DGKI: variants seen among roughly 807,000 people sequenced by gnomAD.
DGKI encodes the protein DAG kinase iota.
DGKI carries 55 observed loss-of-function variants against 147.5 expected under a neutral mutation model. The ratio of observed to expected loss-of-function variants is 0.37; its 90% CI spans 0.30 to 0.47. The LOEUF is 0.47. DGKI is among the 20% of genes least tolerant of loss of function. The pLI, the probability that DGKI is intolerant of heterozygous loss-of-function variation, is 1.00. For missense variants in DGKI, 1,007 were observed against 1,323.8 expected (o/e 0.76, Z 3.71); for synonymous variants, 469 against 477.1 (o/e 0.98, Z 0.22).
At chr7:137,802,273 C>T (rs75365700) in intron 1 of DGKI, among the ~76,000 whole-genome samples, 1 of 152,148 alleles carries the variant, frequency 6.6e-6, no homozygotes, top group Admixed American at 6.6e-5. Flanking sequence ...AAAGACTACA[C>T]ATTGTGTACA....
intron 1 of DGKI, among the ~76,000 whole-genome samples, chr7:137,747,130 G>A (rs567342424): frequency 3.9e-5 from 6 of 151,986 alleles, no homozygotes; most frequent in Admixed American, 2.0e-4. Flanking sequence ...AATCACAAGC[G>A]GGTAGGGGAT....
intron 8 of DGKI, 51 bp from the exon 9 acceptor site, chr7:137,609,660 C>A (rs1820302029): frequency 2.9e-6 from 4 of 1,372,708 alleles, no homozygotes; most frequent in East Asian, 2.3e-5. Flanking sequence ...AGCCCAGGAG[C>A]TTTCCCATGC....
At chr7:137,700,913 AT>A (rs1823959767) in intron 1 of DGKI, among the ~76,000 whole-genome samples, 1 of 149,156 alleles carries the variant, frequency 6.7e-6, no homozygotes, top group African/African-American at 2.4e-5. Context: ...AAATAAATAA[AT>A]AAATAAATAA....
At chr7:137,576,077 C>T (rs536932636) in intron 17 of DGKI, among the ~76,000 whole-genome samples, 8 of 143,860 alleles carry the variant, frequency 5.6e-5, no homozygotes, top group Non-Finnish European at 1.0e-4. Flanking sequence ...GTTGCTCTGT[C>T]GCCCAGGCTG....
intron 1 of DGKI, among the ~76,000 whole-genome samples, chr7:137,824,304 G>A (rs1797991480): frequency 6.6e-6 from 1 of 152,154 alleles, no homozygotes; most frequent in Non-Finnish European, 1.5e-5. Flanking sequence ...ATAACCTGAG[G>A]TCAGGAGTTC....
chr7:137,827,266 C>G (rs1403116024), intron 1 of DGKI, among the ~76,000 whole-genome samples: 2 of 152,100 alleles, frequency 1.3e-5, no homozygotes, highest in African/African-American at 4.8e-5. Context: ...CACTTATAGG[C>G]TCAAAAACCT....
chr7:137,802,733 G>A (rs943037649), intron 1 of DGKI, among the ~76,000 whole-genome samples: 5 of 152,046 alleles, frequency 3.3e-5, no homozygotes, highest in Admixed American at 6.6e-5. Flanking sequence ...CTCTCCTACC[G>A]GCCTCTCTCC....
chr7:137,679,547 T>G (rs1000798204), intron 2 of DGKI, among the ~76,000 whole-genome samples: 11 of 152,110 alleles, frequency 7.2e-5, no homozygotes, highest in Non-Finnish European at 1.6e-4. Context: ...AGGGAAAGTA[T>G]TGTATTAGAT....
At chr7:137,764,217 C>T (rs1422584100) in intron 1 of DGKI, among the ~76,000 whole-genome samples, 1 of 151,396 alleles carries the variant, frequency 6.6e-6, no homozygotes, top group Admixed American at 6.6e-5. Context: ...TCCAGGGTGG[C>T]ACCCTGGGAA....
At chr7:137,778,781 T>C (rs1796438251) in intron 1 of DGKI, among the ~76,000 whole-genome samples, 1 of 152,270 alleles carries the variant, frequency 6.6e-6, no homozygotes, top group African/African-American at 2.4e-5. Flanking sequence ...CCTTACTTGA[T>C]CAAAGTATCA....
chr7:137,772,199 G>C (rs1350013490), intron 1 of DGKI: 1 of 150,288 alleles, frequency 6.7e-6, no homozygotes, highest in Non-Finnish European at 1.5e-5. Flanking sequence ...GAACTCTGTT[G>C]AAATACATCA....
At chr7:137,564,171 G>T (rs1046989033) in intron 19 of DGKI, among the ~76,000 whole-genome samples, 1 of 152,102 alleles carries the variant, frequency 6.6e-6, no homozygotes, top group South Asian at 2.1e-4. Context: ...GAAAAAGCTG[G>T]ATAAATGCAT....
chr7:137,655,171 T>C (rs1001315428), intron 4 of DGKI, among the ~76,000 whole-genome samples: 1 of 151,760 alleles, frequency 6.6e-6, no homozygotes, highest in African/African-American at 2.4e-5. Context: ...TTTAGTATTA[T>C]GACAATTATT....
At chr7:137,773,543 G>A (rs1585474688) in intron 1 of DGKI, among the ~76,000 whole-genome samples, 2 of 152,252 alleles carry the variant, frequency 1.3e-5, no homozygotes, top group African/African-American at 4.8e-5. Context: ...ATGTTGATCA[G>A]GCAGCTGAAC....
chr7:137,547,274 A>G (rs979121020), intron 20 of DGKI, among the ~76,000 whole-genome samples: 14 of 152,356 alleles, frequency 9.2e-5, no homozygotes, highest in African/African-American at 3.1e-4. Context: ...TCCCATATAT[A>G]TAAGGAGCTT....
intron 1 of DGKI, among the ~76,000 whole-genome samples, chr7:137,822,236 G>A (rs536842264): frequency 6.6e-6 from 1 of 152,188 alleles, no homozygotes; most frequent in African/African-American, 2.4e-5. Context: ...GCGAAACCCT[G>A]TCTCTACTAA....
intron 1 of DGKI, among the ~76,000 whole-genome samples, chr7:137,692,875 TA>T (rs1226744325): frequency 6.6e-6 from 1 of 152,030 alleles, no homozygotes; most frequent in African/African-American, 2.4e-5. Flanking sequence ...AAAAAATAAG[TA>T]AAAAACATGA....
At chr7:137,555,998 G>T (rs977044542) in intron 19 of DGKI, among the ~76,000 whole-genome samples, 1 of 152,040 alleles carries the variant, frequency 6.6e-6, no homozygotes, top group African/African-American at 2.4e-5. Flanking sequence ...GCTGCCAGTG[G>T]TCTCTTTTAT....
chr7:137,620,019 G>GCACACACACACGCA, intron 7 of DGKI, 79 bp from the exon 8 acceptor site: 1 of 501,458 alleles, frequency 2.0e-6, no homozygotes, highest in Non-Finnish European at 3.7e-6. Flanking sequence ...ATGTACACAC[G>GCACACACACACGCA]CACACACACA....
Sources: allele counts gnomAD v4.1 joint callset (sites outside exome capture counted in the v4.1 genomes callset), GRCh38; gene constraint gnomAD v4.1.1; transcripts MANE v1.5; gene names NCBI Gene and HGNC (gene_info 2026-07-23, HGNC 2026-07-21).